Variants in FHOD3 observed in about 807,000 individuals in gnomAD.
The protein encoded by FHOD3 is formin homology 2 domain containing 3.
In FHOD3, 90 loss-of-function variants were observed where a neutral mutation model predicts 173.0. The observed-to-expected ratio is 0.52, with a 90% CI of 0.44 to 0.62. The LOEUF (loss-of-function observed/expected upper bound fraction) is 0.62. Ranked by LOEUF, FHOD3 falls within the 20% of genes least tolerant of loss-of-function variation. The probability of loss-of-function intolerance (pLI) is 0.00; values close to 1 mark genes in which losing one functional copy is unlikely to be tolerated. For missense variants in FHOD3, 1,945 were observed against 2,034.7 expected, an observed-to-expected ratio of 0.96 and a Z score of 0.85; for synonymous variants, 828 against 823.0, an observed-to-expected ratio of 1.01 and a Z score of -0.10.
chr18:36,753,943 C>T (rs2042518053), intron 24 of FHOD3, among the ~76,000 whole-genome samples: 1 of 152,132 alleles, frequency 6.6e-6, no homozygotes, highest in South Asian at 2.1e-4. Context: ...TGACACAAGT[C>T]CCTTATTAGA....
At chr18:36,352,428 G>T (rs976324409) in intron 1 of FHOD3, among the ~76,000 whole-genome samples, 1 of 152,178 alleles carries the variant, frequency 6.6e-6, no homozygotes, top group African/African-American at 2.4e-5. Flanking sequence ...AGGTCTTACA[G>T]ATCTGTGTGG....
At chr18:36,727,577 C>A (rs996767858) in intron 19 of FHOD3, among the ~76,000 whole-genome samples, 2 of 152,150 alleles carry the variant, frequency 1.3e-5, no homozygotes, top group East Asian at 1.9e-4. Flanking sequence ...TGCAAATGTG[C>A]AGAATCCTCT....
At chr18:36,606,911 G>A (rs1285035406) in intron 8 of FHOD3, among the ~76,000 whole-genome samples, 1 of 152,226 alleles carries the variant, frequency 6.6e-6, no homozygotes, top group Non-Finnish European at 1.5e-5. Context: ...TTGACTCCAT[G>A]TCCCACATCC....
chr18:36,400,024 G>A (rs998602934), intron 3 of FHOD3, among the ~76,000 whole-genome samples: 1 of 152,250 alleles, frequency 6.6e-6, no homozygotes, highest in Admixed American at 6.5e-5. Context: ...CAGGAAGAGG[G>A]TGTGAGGTGT....
intron 19 of FHOD3, among the ~76,000 whole-genome samples, chr18:36,727,281 ATGGATAT>A (rs1292000226): frequency 1.3e-5 from 2 of 152,148 alleles, no homozygotes; most frequent in Non-Finnish European, 2.9e-5. Context: ...ATCCTTAGAC[ATGGATAT>A]AGGCACAGAG....
intron 9 of FHOD3, among the ~76,000 whole-genome samples, chr18:36,624,835 G>T (rs1391313350): frequency 6.6e-6 from 1 of 152,226 alleles, no homozygotes; most frequent in Admixed American, 6.5e-5. Context: ...TCTAGGAGTT[G>T]TCTTTTTGTG....
intron 3 of FHOD3, among the ~76,000 whole-genome samples, chr18:36,393,721 G>A (rs536391257): frequency 2.6e-5 from 4 of 152,266 alleles, no homozygotes; most frequent in African/African-American, 9.6e-5. Context: ...AGTGAAATGA[G>A]CCTAATTCTC....
intron 5 of FHOD3, among the ~76,000 whole-genome samples, chr18:36,513,465 C>T (rs1568369106): frequency 6.6e-6 from 1 of 152,190 alleles, no homozygotes; most frequent in Non-Finnish European, 1.5e-5. Context: ...ATGCCTGTGA[C>T]CCCACAGACT....
intron 2 of FHOD3, among the ~76,000 whole-genome samples, chr18:36,366,254 T>C (rs2046893369): frequency 6.6e-6 from 1 of 151,962 alleles, no homozygotes; most frequent in Non-Finnish European, 1.5e-5. Context: ...GAAAAAGGTA[T>C]GATGAGGAGA....
At chr18:36,551,114 G>A (rs1360790984) in intron 5 of FHOD3, among the ~76,000 whole-genome samples, 1 of 152,136 alleles carries the variant, frequency 6.6e-6, no homozygotes, top group Non-Finnish European at 1.5e-5. Context: ...CTGAGAACAG[G>A]AATGCATGTT....
chr18:36,699,438 A>C (rs926570792), intron 17 of FHOD3, among the ~76,000 whole-genome samples: 2 of 152,052 alleles, frequency 1.3e-5, no homozygotes, highest in Admixed American at 6.5e-5. Context: ...CCCAGGTGGG[A>C]GCCTTGGGTC....
intron 2 of FHOD3, among the ~76,000 whole-genome samples, chr18:36,367,770 G>T (rs941119272): frequency 6.6e-6 from 1 of 152,162 alleles, no homozygotes; most frequent in South Asian, 2.1e-4. Context: ...GTCTCAAATT[G>T]TGATCGTCAG....
At chr18:36,670,661 G>C (rs1401979315) in intron 14 of FHOD3, among the ~76,000 whole-genome samples, 1 of 151,970 alleles carries the variant, frequency 6.6e-6, no homozygotes, top group South Asian at 2.1e-4. Flanking sequence ...TTCTGGATTG[G>C]TTTCAAATAA....
Position 36,602,674 on chromosome 18 carries a change from G to A in FHOD3, c.719G>A (p.Gly240Glu). The change falls in exon 8 of 29, where the codon GGG becomes GAG. Residue 240 changes from glycine (G) to glutamate (E), a missense_variant and splice_region_variant. Around this residue, in one of 5 missense-constraint regions of FHOD3, gnomAD observed 1,099 missense variants for 1,051.2 expected, o/e 1.05. Transcript: ENST00000590592. ...QAVTAVDTKR[G>E]VKPWSNIMEI... is the part of the protein sequence containing the mutation. ...CTAATGATTTTTGCTTTACTCATAGGGGTCAAACCTTGGTCAAATATCATG... is the reference window on the plus strand; with the variant it reads ...CTAATGATTTTTGCTTTACTCATAGAGGTCAAACCTTGGTCAAATATCATG... 1 of 1,612,108 alleles carries A rather than the reference G, an allele frequency of 6.2e-7. No homozygotes were observed. Among genetic ancestry groups the A allele is most frequent in the Non-Finnish European group, 8.5e-7 (1 of 1,178,214 alleles).
At chr18:36,545,603 AAT>A (rs1419183602) in intron 5 of FHOD3, among the ~76,000 whole-genome samples, 1 of 152,182 alleles carries the variant, frequency 6.6e-6, no homozygotes, top group Non-Finnish European at 1.5e-5. Flanking sequence ...AGAATTTCTA[AAT>A]ATCTGTGTGT....
intron 1 of FHOD3, among the ~76,000 whole-genome samples, chr18:36,350,576 C>G (rs1483941089): frequency 6.6e-6 from 1 of 152,144 alleles, no homozygotes; most frequent in Non-Finnish European, 1.5e-5. Context: ...TGAAAATTGT[C>G]AGAGTCAGGA....
chr18:36,458,206 C>T (rs757743850), intron 3 of FHOD3, among the ~76,000 whole-genome samples: 24 of 152,056 alleles, frequency 1.6e-4, no homozygotes, highest in Admixed American at 5.2e-4. Context: ...ACAAACTCAC[C>T]GGAATGACTC....
chr18:36,607,177 C>A (rs910374145), intron 8 of FHOD3, among the ~76,000 whole-genome samples: 1 of 152,248 alleles, frequency 6.6e-6, no homozygotes, highest in Non-Finnish European at 1.5e-5. Context: ...CTTCCTGGGA[C>A]CCTAGGCTGT....
At chr18:36,593,940 G>A (rs1183252707) in intron 6 of FHOD3, among the ~76,000 whole-genome samples, 1 of 152,198 alleles carries the variant, frequency 6.6e-6, no homozygotes, top group East Asian at 1.9e-4. Flanking sequence ...TGCAGGAGGT[G>A]TATGAGTTCC....
Sources: gnomAD v4.1 joint callset for allele counts (sites outside exome capture counted in the v4.1 genomes callset) on GRCh38, gnomAD v4.1.1 for gene constraint, gnomAD v4.1.1 regional missense constraint, MANE v1.5 for transcripts, NCBI Gene and HGNC (gene_info 2026-07-23, HGNC 2026-07-21) for gene names.